CDC42BPB: variants seen among roughly 807,000 people sequenced by gnomAD.
CDC42BPB encodes serine/threonine-protein kinase MRCK beta.
In CDC42BPB, 37 loss-of-function variants were observed where a neutral mutation model predicts 214.9. That is an observed-to-expected ratio of 0.17 (90% CI 0.13 to 0.23). CDC42BPB has a LOEUF of 0.23. Among genes scored for constraint, CDC42BPB ranks in the 10% least tolerant of loss-of-function variants. The pLI, the probability that CDC42BPB is intolerant of heterozygous loss-of-function variation, is 1.00. For synonymous variants in CDC42BPB, 931 were observed against 884.0 expected, an observed-to-expected ratio of 1.05 and a Z score of -0.94; for missense variants, 1,694 against 2,227.0, an observed-to-expected ratio of 0.76 and a Z score of 4.82.
At chr14:102,954,017 A>T (rs1227116957) in intron 23 of CDC42BPB, among the ~76,000 whole-genome samples, 181 bp downstream of exon 23, 1 of 152,270 alleles carries the variant, frequency 6.6e-6, no homozygotes, top group East Asian at 1.9e-4. Flanking sequence ...GGGTCCTGAC[A>T]GCTTCCTGAA....
intron 3 of CDC42BPB, among the ~76,000 whole-genome samples, chr14:103,008,000 C>A (rs777814649): frequency 1.6e-4 from 25 of 152,166 alleles, no homozygotes; most frequent in Non-Finnish European, 3.2e-4. Context: ...CATGGAATGG[C>A]CACCAAGAAG....
At chr14:103,010,979 G>C (rs1026928845) in intron 2 of CDC42BPB, among the ~76,000 whole-genome samples, 4 of 152,200 alleles carry the variant, frequency 2.6e-5, no homozygotes, top group African/African-American at 9.6e-5. Context: ...GCAGTGAGCG[G>C]AGATCGCACC....
At chr14:102,973,920 G>A in intron 12 of CDC42BPB, 96 bp downstream of exon 12, 2 of 1,418,236 alleles carry the variant, frequency 1.4e-6, no homozygotes, top group South Asian at 1.4e-5. Context: ...CCATGGGCAG[G>A]AGTCCCAAGA....
At chr14:102,974,894 C>T (rs1038396667) in intron 11 of CDC42BPB, among the ~76,000 whole-genome samples, 1 of 151,846 alleles carries the variant, frequency 6.6e-6, no homozygotes, top group Non-Finnish European at 1.5e-5. Flanking sequence ...TGCAGTGAGC[C>T]GAGATCATGC....
In CDC42BPB at chr14:102,967,180, A is replaced by C; in HGVS notation, c.2347-10T>G. ...CCACAAAGGAACAGAGCTGAAATGA[A>C]ACAATTTCACCACAGAACTTGTTAA... is the stretch of plus-strand genomic sequence containing the variant. On this transcript the variant is annotated splice_polypyrimidine_tract_variant and intron_variant, in intron 16 of 36. Transcript: ENST00000361246. 6.2e-7 allele frequency: 1 copy of C among 1,608,012 alleles called. No homozygotes were observed. Among genetic ancestry groups the C allele is most frequent in the Non-Finnish European group, 8.5e-7 (1 of 1,175,108 alleles).
intron 5 of CDC42BPB, among the ~76,000 whole-genome samples, chr14:102,990,623 G>T (rs1365714970): frequency 1.3e-5 from 2 of 152,108 alleles, no homozygotes; most frequent in Non-Finnish European, 2.9e-5. Context: ...CTAGAAGCAG[G>T]CAACCCCATA....
chr14:102,954,025 G>A (rs951310952), intron 23 of CDC42BPB, among the ~76,000 whole-genome samples, 173 bp downstream of exon 23: 8 of 152,214 alleles, frequency 5.3e-5, no homozygotes, highest in Admixed American at 1.3e-4. Flanking sequence ...ACAGCTTCCT[G>A]AATTACACAC....
At position 102,950,514 on chromosome 14, in the gene CDC42BPB, G is replaced by A. The variant is rs377411407; in HGVS notation, c.3261C>T (p.Gly1087=). 9 of 1,613,110 alleles carry A rather than the reference G, an allele frequency of 5.6e-6. No homozygotes were observed. Among genetic ancestry groups the A allele is most frequent in the Admixed American group, 1.7e-5 (1 of 59,982 alleles). ...TTCCGATGCCTCGCTGCACGTCCAC[G>A]CCCAGAGGCCTCTTGGACTGCTCGG... ...IPPEQSKRPL[G]VDVQRGIGTA... is the part of the protein sequence containing the mutation. The change falls in exon 25 of 37, where the codon GGC becomes GGT. Residue 1087 remains glycine (G), a synonymous_variant. Transcript: ENST00000361246.
At chr14:103,056,224 C>T (rs909947528) in intron 1 of CDC42BPB, among the ~76,000 whole-genome samples, 1 of 152,070 alleles carries the variant, frequency 6.6e-6, no homozygotes, top group Non-Finnish European at 1.5e-5. Flanking sequence ...AGTGATAGCT[C>T]CAGCTACCCC....
chr14:103,044,059 T>C (rs1260237271), intron 1 of CDC42BPB, among the ~76,000 whole-genome samples: 1 of 152,206 alleles, frequency 6.6e-6, no homozygotes, highest in Non-Finnish European at 1.5e-5. Flanking sequence ...TTCCAGTAAC[T>C]TCTCAATTCG....
At chr14:103,056,021 C>A (rs966466103) in intron 1 of CDC42BPB, among the ~76,000 whole-genome samples, 1 of 152,128 alleles carries the variant, frequency 6.6e-6, no homozygotes, top group Non-Finnish European at 1.5e-5. Flanking sequence ...CCGGCACACC[C>A]GTTAGGGAGA....
intron 2 of CDC42BPB, chr14:103,008,811 C>T (rs1259938248): frequency 6.1e-6 from 2 of 325,212 alleles, no homozygotes; most frequent in African/African-American, 2.2e-5. Context: ...TCCACCACTA[C>T]AGGAGGTTAA....
chr14:103,039,292 C>CAAAAAAA (rs202028122), intron 1 of CDC42BPB, among the ~76,000 whole-genome samples: 28 of 70,540 alleles, frequency 4.0e-4, no homozygotes, highest in African/African-American at 5.1e-4. Context: ...GATACCAAAC[C>CAAAAAAA]AAAAAAAAAA....
rs541534979 is a variant in CDC42BPB, at chr14:102,996,096, T to C, written c.596+3469A>G. On this transcript the variant is annotated intron_variant, in intron 5 of 36. Transcript: ENST00000361246. ...GGCTCACGCCTGTAATCCCAGCACT[T>C]TGGGAGGCCGAGGCGGGCGGATCAC... Among the ~76,000 whole-genome samples, 7 of 152,162 alleles carry C rather than the reference T, an allele frequency of 4.6e-5. No individual in the cohort carries two copies. In the South Asian group the frequency reaches 1.2e-3, roughly 27 times the overall value.
At chr14:103,029,858 C>CAAAAAA (rs11299296) in intron 1 of CDC42BPB, among the ~76,000 whole-genome samples, 92 of 62,328 alleles carry the variant, frequency 1.5e-3, no homozygotes, top group African/African-American at 2.8e-3. Context: ...ACTCCATCTC[C>CAAAAAA]AAAAAAAAAA....
chr14:102,975,611 G>T, intron 11 of CDC42BPB, 73 bp downstream of exon 11: 1 of 1,424,582 alleles, frequency 7.0e-7, no homozygotes, highest in South Asian at 1.2e-5. Context: ...TTATGAAAAG[G>T]ACTCTGAAAT....
chr14:103,008,589 G>T, intron 2 of CDC42BPB, 34 bp from the exon 3 acceptor site: 1 of 1,590,466 alleles, frequency 6.3e-7, no homozygotes, highest in African/African-American at 1.3e-5. Context: ...CAAAGATGCG[G>T]TTCTTGAACA....
intron 2 of CDC42BPB, 76 bp downstream of exon 2, chr14:103,012,021 T>C: frequency 1.1e-6 from 1 of 900,668 alleles, no homozygotes; most frequent in African/African-American, 1.6e-5. Flanking sequence ...AATGTATAGG[T>C]GCACAAAAAG....
intron 1 of CDC42BPB, 144 bp from the exon 2 acceptor site, chr14:103,012,332 G>A (rs898318160): frequency 1.4e-6 from 2 of 1,439,774 alleles, no homozygotes; most frequent in African/African-American, 2.9e-5. Flanking sequence ...TTTGGAAAGT[G>A]AGCACTTATA....
Sources: allele counts gnomAD v4.1 joint callset (sites outside exome capture counted in the v4.1 genomes callset), GRCh38; gene constraint gnomAD v4.1.1; transcripts MANE v1.5; gene names NCBI Gene and HGNC (gene_info 2026-07-23, HGNC 2026-07-21).